The following NDST1 variants were observed in gnomAD, a reference collection of about 807,000 sequenced individuals.
The protein encoded by NDST1 is N-deacetylase and N-sulfotransferase 1, also known as bifunctional heparan sulfate N-deacetylase/N-sulfotransferase 1.
A neutral mutation model predicts 92.8 loss-of-function variants in NDST1; 35 were observed. The ratio of observed to expected loss-of-function variants is 0.38; its 90% confidence interval spans 0.29 to 0.50. The LOEUF is 0.50. Among genes scored for constraint, NDST1 ranks in the 20% least tolerant of loss-of-function variants. The pLI, the probability that NDST1 is intolerant of heterozygous loss-of-function variation, is 0.94. For synonymous variants in NDST1, 493 were observed against 500.3 expected (o/e 0.99, Z 0.19); for missense variants, 822 against 1,182.7 (o/e 0.69, Z 4.47).
In NDST1 at chr5:150,555,018, G is replaced by A. The variant is rs1473181985; in HGVS notation, c.*1686G>A. ...CTTGGGGCTGGAAGGTCCTTTGACG[G>A]GTATGAAACAGGTCCAGAAAGGGGA... is the stretch of plus-strand genomic sequence containing the variant. On this transcript the variant is annotated 3_prime_UTR_variant, in exon 15 of 15. Coordinates refer to ENST00000261797, the MANE Select transcript of NDST1 (RefSeq NM_001543.5). The A allele has an allele frequency of 6.5e-6, 1 of 152,710 alleles. No individual in the cohort carries two copies. The highest frequency in any genetic ancestry group is 1.5e-5 in the Non-Finnish European group (1 of 68,166). 9.5% of individuals were successfully genotyped at this position (152,710 alleles called of 1,614,324 possible). A position where few individuals can be genotyped will look rare whatever the true frequency, so the allele number is the denominator to read the frequency against.
chr5:150,534,283 G>A (rs867217471), intron 4 of NDST1, among the ~76,000 whole-genome samples: 10 of 151,788 alleles, frequency 6.6e-5, no homozygotes, highest in Admixed American at 6.6e-5. Context: ...AAAAATTTTT[G>A]TAGAGATGGG....
chr5:150,519,342 G>A (rs1019721413), intron 1 of NDST1, among the ~76,000 whole-genome samples: 1 of 152,170 alleles, frequency 6.6e-6, no homozygotes, highest in African/African-American at 2.4e-5. Flanking sequence ...GGCCTCTTTA[G>A]CCCTGGCTCT....
intron 1 of NDST1, among the ~76,000 whole-genome samples, chr5:150,514,022 T>G (rs1403247602): frequency 1.3e-5 from 2 of 152,186 alleles, no homozygotes; most frequent in Non-Finnish European, 2.9e-5. Context: ...GGGAGTGCAG[T>G]GGGAGCCTGG....
chr5:150,542,754 C>T (rs1274565103), intron 9 of NDST1, 94 bp from the exon 10 acceptor site: 1 of 1,530,092 alleles, frequency 6.5e-7, no homozygotes, highest in Non-Finnish European at 9.0e-7. Flanking sequence ...CCCAGGAGCC[C>T]CCAGTGGGTC....
Position 150,532,086 on chromosome 5 carries a change from T to C in NDST1, c.1009-859T>C, listed in dbSNP as rs933794789. 2.0e-5 allele frequency among the ~76,000 whole-genome samples: 3 copies of C among 152,342 alleles called. No homozygotes were observed. The South Asian group carries it at 6.2e-4, about 32-fold the overall frequency. On this transcript the variant is annotated intron_variant, in intron 3 of 14. Coordinates refer to ENST00000261797, the MANE Select transcript of NDST1 (RefSeq NM_001543.5). ...ACCACAGACGTAGCATTGGCCACCA[T>C]TTTTCATCACTTACCAGATGTGAGG...
chr5:150,521,353 C>T lies in NDST1; in HGVS notation c.99C>T (p.Ile33=). ...LFIFCLFSVF[I]SAYYLYGWKR... ...TCTTCTGCCTGTTCAGCGTTTTCATCTCGGCCTACTACCTATATGGCTGGA... is the reference window on the plus strand; with the variant it reads ...TCTTCTGCCTGTTCAGCGTTTTCATTTCGGCCTACTACCTATATGGCTGGA... Residue 33 remains isoleucine (I), a synonymous_variant, in exon 2 of 15, where the codon ATC becomes ATT. Transcript: ENST00000261797. This position sits in a 1 kb window ranked among gnomAD's most constrained non-coding sequence, Gnocchi z 5.9. 4 of 1,613,636 alleles carry T rather than the reference C, an allele frequency of 2.5e-6. No individual in the cohort carries two copies. The highest frequency in any genetic ancestry group is 3.4e-6 in the Non-Finnish European group (4 of 1,179,920).
chr5:150,545,286 GA>G lies in NDST1; in HGVS notation c.1971-25del, dbSNP rs749546227. 1.9e-6 allele frequency: 3 copies of G among 1,613,996 alleles called. No individual in the cohort carries two copies. In the South Asian group the frequency reaches 3.3e-5, roughly 18 times the overall value. On this transcript the variant is annotated intron_variant, in intron 10 of 14. Transcript: ENST00000261797. ...CCCCCTCCTCATGAGTTTTGTCTGTGAGCCGCCTCTCTGGGCTTCCTGCAGG... is the reference window on the plus strand; with the variant it reads ...CCCCCTCCTCATGAGTTTTGTCTGTGGCCGCCTCTCTGGGCTTCCTGCAGG...
At chr5:150,515,816 C>T (rs1753933198) in intron 1 of NDST1, among the ~76,000 whole-genome samples, 2 of 152,146 alleles carry the variant, frequency 1.3e-5, no homozygotes, top group African/African-American at 2.4e-5. Context: ...TCTTGAGCCA[C>T]GGGAGTTCTG....
rs186595822 is a variant in NDST1 at position 150,508,230 on chromosome 5, G to A, written c.-388+4G>A. ...CACGCCACTGCCTGGAGCTCCGGTGGGTCTGGGTCTGGTCATTGTCTCGCT... is the reference window on the plus strand; with the variant it reads ...CACGCCACTGCCTGGAGCTCCGGTGAGTCTGGGTCTGGTCATTGTCTCGCT... On this transcript the variant is annotated splice_donor_region_variant and intron_variant, in intron 1 of 14. Coordinates refer to ENST00000261797, the MANE Select transcript of NDST1 (RefSeq NM_001543.5). 6.5e-6 allele frequency: 1 copy of A among 152,768 alleles called. No individual in the cohort carries two copies. Among genetic ancestry groups the A allele is most frequent in the East Asian group, 1.9e-4 (1 of 5,190 alleles). The allele number at this position is 152,768 out of a possible 1,614,324, so 9.5% of individuals were successfully genotyped here. A position where few individuals can be genotyped will look rare whatever the true frequency, so the allele number is the denominator to read the frequency against.
chr5:150,548,143 C>A, intron 11 of NDST1, 75 bp from the exon 12 acceptor site: 1 of 1,574,880 alleles, frequency 6.3e-7, no homozygotes, highest in Non-Finnish European at 8.7e-7. Context: ...GGCCACCTTG[C>A]GGGCTGCTGT....
At chr5:150,505,364 T>C (rs912277381), upstream of NDST1, among the ~76,000 whole-genome samples, 1 of 152,214 alleles carries the variant, frequency 6.6e-6, no homozygotes, top group African/African-American at 2.4e-5. Flanking sequence ...GTGGGTTTTC[T>C]GTTATCTGTG....
chr5:150,498,180 T>C (rs937748626), exon 1 of NDST1: 5 of 152,630 alleles, frequency 3.3e-5, no homozygotes, highest in African/African-American at 9.6e-5. Context: ...GGGTGTGGTC[T>C]TGGAGACGGG....
chr5:150,508,353 C>G (rs1389460972), intron 1 of NDST1, 127 bp downstream of exon 1: 2 of 127,878 alleles, frequency 1.6e-5, no homozygotes, highest in East Asian at 2.4e-4. Flanking sequence ...GTGTGTGTGT[C>G]CCCAGGAGGG....
chr5:150,545,851 A>T (rs1755454709), intron 11 of NDST1, among the ~76,000 whole-genome samples: 1 of 152,184 alleles, frequency 6.6e-6, no homozygotes, highest in Middle Eastern at 3.2e-3. Flanking sequence ...GTGGGAGCTC[A>T]TGGAAGGACA....
At chr5:150,539,474 C>T in intron 7 of NDST1, 118 bp downstream of exon 7, 1 of 1,594,320 alleles carries the variant, frequency 6.3e-7, no homozygotes, top group Non-Finnish European at 8.5e-7. Context: ...GAGTGCCTGG[C>T]AGTTGGGAGA....
chr5:150,552,202 A>T (rs1755754437), intron 14 of NDST1, among the ~76,000 whole-genome samples: 1 of 152,110 alleles, frequency 6.6e-6, no homozygotes, highest in Non-Finnish European at 1.5e-5. Flanking sequence ...GCAGTCAGAG[A>T]GGGCACACAA....
At chr5:150,516,912 C>T (rs1287241918) in intron 1 of NDST1, among the ~76,000 whole-genome samples, 2 of 151,810 alleles carry the variant, frequency 1.3e-5, no homozygotes, top group African/African-American at 4.8e-5. Flanking sequence ...GTGATCTGCC[C>T]ACCTCGGCCT....
At chr5:150,516,975 TAG>T (rs1491517158) in intron 1 of NDST1, among the ~76,000 whole-genome samples, 5 of 119,174 alleles carry the variant, frequency 4.2e-5, no homozygotes, top group African/African-American at 6.5e-5. Context: ...TGACATTTTC[TAG>T]TGTGTGTGTG....
intron 11 of NDST1, 127 bp from the exon 12 acceptor site, chr5:150,548,091 G>A: frequency 1.9e-6 from 2 of 1,071,980 alleles, no homozygotes; most frequent in Non-Finnish European, 2.8e-6. Flanking sequence ...GGCAGAGCCA[G>A]GACTCAGACC....
Sources: gnomAD v4.1 joint callset for allele counts (sites outside exome capture counted in the v4.1 genomes callset) on GRCh38, gnomAD v4.1.1 for gene constraint, Gnocchi (gnomAD v3.1) non-coding constraint, MANE v1.5 for transcripts, NCBI Gene and HGNC (gene_info 2026-07-23, HGNC 2026-07-21) for gene names.